Variants in PLA2G4C observed in about 807,000 individuals in gnomAD.
PLA2G4C encodes phospholipase A2 group IVC.
PLA2G4C carries 64 observed loss-of-function variants against 73.8 expected under a neutral mutation model. That is an observed-to-expected ratio of 0.87 (90% CI 0.71 to 1.07). The LOEUF (loss-of-function observed/expected upper bound fraction) is 1.07. Among genes scored for constraint, PLA2G4C ranks in the 50% least tolerant of loss-of-function variants. The pLI is 0.00. For missense variants in PLA2G4C, 622 were observed against 665.4 expected, an observed-to-expected ratio of 0.93 and a Z score of 0.72; for synonymous variants, 254 against 252.1, an observed-to-expected ratio of 1.01 and a Z score of -0.07.
chr19:48,101,195 G>T (rs2031904618), intron 4 of PLA2G4C, among the ~76,000 whole-genome samples: 1 of 145,550 alleles, frequency 6.9e-6, no homozygotes, highest in African/African-American at 2.6e-5. Flanking sequence ...CATGATCTTG[G>T]CTCACTGCAG....
chr19:48,059,041 G>A (rs188014682), intron 14 of PLA2G4C, among the ~76,000 whole-genome samples: 24 of 152,074 alleles, frequency 1.6e-4, no homozygotes, highest in African/African-American at 5.8e-4. Context: ...GGGAGGCCGA[G>A]GCGGGCAGAT....
chr19:48,104,763 C>T (rs1171277000), intron 3 of PLA2G4C, 39 bp from the exon 4 acceptor site: 2 of 1,607,456 alleles, frequency 1.2e-6, no homozygotes, highest in Admixed American at 1.7e-5. Context: ...GGTTTAGAGC[C>T]TGAGGATGGA....
At chr19:48,101,425 G>A (rs372204719) in intron 4 of PLA2G4C, among the ~76,000 whole-genome samples, 44 of 151,826 alleles carry the variant, frequency 2.9e-4, no homozygotes, top group African/African-American at 4.8e-4. Flanking sequence ...GTGAGCCACC[G>A]TGCCCGGGCT....
At chr19:48,051,329 C>T (rs1967717258) in intron 16 of PLA2G4C, among the ~76,000 whole-genome samples, 1 of 152,202 alleles carries the variant, frequency 6.6e-6, no homozygotes, top group Non-Finnish European at 1.5e-5. Context: ...CATTCTCACA[C>T]TGCGATAAAG....
chr19:48,100,654 G>A (rs1373233801), intron 4 of PLA2G4C, among the ~76,000 whole-genome samples: 1 of 137,952 alleles, frequency 7.2e-6, no homozygotes, highest in Non-Finnish European at 1.5e-5. Flanking sequence ...TTACGCCTGT[G>A]ATCCTAGCAC....
At chr19:48,077,962 C>T (rs939374792) in intron 10 of PLA2G4C, 138 bp from the exon 11 acceptor site, 51 of 616,506 alleles carry the variant, frequency 8.3e-5, no homozygotes, top group Middle Eastern at 4.5e-4. Flanking sequence ...TTCTGGAGAG[C>T]TAATTTTGTA....
chr19:48,071,879 G>A (rs1416109591), intron 12 of PLA2G4C, among the ~76,000 whole-genome samples: 1 of 152,052 alleles, frequency 6.6e-6, no homozygotes, highest in Non-Finnish European at 1.5e-5. Flanking sequence ...CGGGCACAGT[G>A]GCTCACATCT....
At chr19:48,049,784 G>C (rs761744144) in intron 16 of PLA2G4C, among the ~76,000 whole-genome samples, 1 of 152,168 alleles carries the variant, frequency 6.6e-6, no homozygotes, top group East Asian at 1.9e-4. Flanking sequence ...GGAAAATCAT[G>C]TGTAGACACA....
intron 4 of PLA2G4C, among the ~76,000 whole-genome samples, chr19:48,101,126 ATT>A (rs544287174): frequency 0.058 from 4,262 of 73,774 alleles, 202 homozygotes; most frequent in East Asian, 0.36. Context: ...ATATATATAT[ATT>A]TTTTTTTTTT....
In PLA2G4C at chr19:48,084,040, TTGTGTGTGTG is replaced by T. The variant is rs71181645; in HGVS notation, c.844+1009_844+1018del. 6.9e-4 allele frequency among the ~76,000 whole-genome samples: 96 copies of T among 139,226 alleles called. 1 individual carries two copies. The highest frequency in any genetic ancestry group is 1.1e-3 in the Non-Finnish European group (71 of 64,780). 91.3% of individuals were successfully genotyped at this position (139,226 alleles called of 152,430 possible). A position where few individuals can be genotyped will look rare whatever the true frequency, so the allele number is the denominator to read the frequency against. ...GATGAACAGGTAACGAATGCCAATT[TTGTGTGTGTG>T]TGTGTGTGTGTGTGTGTGTGTGTGT... is the stretch of plus-strand genomic sequence containing the variant. On this transcript the variant is annotated intron_variant, in intron 10 of 16. Coordinates refer to ENST00000599921, the MANE Select transcript of PLA2G4C (RefSeq NM_003706.3).
At position 48,110,554 on chromosome 19, in the gene PLA2G4C, C is replaced by CTTGGGCTCCGGAATCCGGTGCGGAGGG; in HGVS notation, c.-101_-100insCCCTCCGCACCGGATTCCGGAGCCCAA. ...TGTGCTCCGGAATCCGGTGCGGAGG[C>CTTGGGCTCCGGAATCCGGTGCGGAGGG]TTGGGCTCCCTGCGCTTAGCGGTGT... is the stretch of plus-strand genomic sequence containing the variant. On this transcript the variant is annotated 5_prime_UTR_variant, in exon 1 of 17. Transcript: ENST00000599921. 6.7e-7 allele frequency: 1 copy of CTTGGGCTCCGGAATCCGGTGCGGAGGG among 1,489,874 alleles called. No individual in the cohort carries two copies. The highest frequency in any genetic ancestry group is 8.9e-7 in the Non-Finnish European group (1 of 1,118,880). The allele number at this position is 1,489,874 out of a possible 1,614,324, so 92.3% of individuals were successfully genotyped here.
At chr19:48,104,485 C>A in intron 4 of PLA2G4C, 103 bp downstream of exon 4, 2 of 1,138,620 alleles carry the variant, frequency 1.8e-6, no homozygotes, top group Non-Finnish European at 2.6e-6. Context: ...CCAGAGAGCT[C>A]GAGAAGCAGC....
At chr19:48,053,367 T>TTC (rs780507677) in intron 15 of PLA2G4C, among the ~76,000 whole-genome samples, 21,312 of 129,324 alleles carry the variant, frequency 0.16, 1,423 homozygotes, top group Non-Finnish European at 0.23. Context: ...CTTTTTTCTT[T>TTC]TTTTTTTTTT....
At position 48,048,262 on chromosome 19, in the gene PLA2G4C, A is replaced by T; in HGVS notation, c.*81T>A. The T allele has an allele frequency of 1.0e-5, 10 of 982,316 alleles. No individual in the cohort carries two copies. The highest frequency in any genetic ancestry group is 1.6e-5 in the Non-Finnish European group (10 of 635,220). The allele number at this position is 982,316 out of a possible 1,614,324, so 60.8% of individuals were successfully genotyped here. Reference sequence around the variant, plus strand: ...GGCCATGAAGCGTGTGGCTGAAGGGAGTGAAGAACAGGAAGGCCAGGTGGA... The same window carrying T: ...GGCCATGAAGCGTGTGGCTGAAGGGTGTGAAGAACAGGAAGGCCAGGTGGA... On this transcript the variant is annotated 3_prime_UTR_variant, in exon 17 of 17. Transcript: ENST00000599921.
chr19:48,078,987 G>A (rs1234925896), intron 10 of PLA2G4C, among the ~76,000 whole-genome samples: 1 of 151,052 alleles, frequency 6.6e-6, no homozygotes, highest in African/African-American at 2.4e-5. Flanking sequence ...TCCTGTCTCA[G>A]CCTCCCAAGT....
chr19:48,069,261 G>T (rs1444309098), intron 12 of PLA2G4C, among the ~76,000 whole-genome samples: 1 of 152,042 alleles, frequency 6.6e-6, no homozygotes, highest in Non-Finnish European at 1.5e-5. Context: ...GCAAGGAAAA[G>T]ATGGCGATTT....
At chr19:48,101,977 C>T (rs1396565945) in intron 4 of PLA2G4C, among the ~76,000 whole-genome samples, 2 of 151,970 alleles carry the variant, frequency 1.3e-5, no homozygotes, top group East Asian at 3.9e-4. Flanking sequence ...CCCGGGCCTC[C>T]TTTAACATCT....
chr19:48,098,598 G>T (rs1045507211), intron 5 of PLA2G4C, among the ~76,000 whole-genome samples: 1 of 151,248 alleles, frequency 6.6e-6, no homozygotes, highest in Non-Finnish European at 1.5e-5. Context: ...GCTTGGATAG[G>T]CTAGGTGCTG....
At chr19:48,093,176 G>T (rs1161958911) in intron 7 of PLA2G4C, among the ~76,000 whole-genome samples, 1 of 152,080 alleles carries the variant, frequency 6.6e-6, no homozygotes, top group South Asian at 2.1e-4. Context: ...GAGAAAAGGG[G>T]AAGATCCCCT....
Sources: gnomAD v4.1 joint callset for allele counts (sites outside exome capture counted in the v4.1 genomes callset) on GRCh38, gnomAD v4.1.1 for gene constraint, MANE v1.5 for transcripts, NCBI Gene and HGNC (gene_info 2026-07-23, HGNC 2026-07-21) for gene names.